TM4SF4: variants seen among roughly 807,000 people sequenced by gnomAD.
The protein encoded by TM4SF4 is transmembrane 4 L6 family member 4.
In TM4SF4, 24 loss-of-function variants were observed where a neutral mutation model predicts 24.1. The ratio of observed to expected loss-of-function variants is 1.00; its 90% CI spans 0.72 to 1.40. The LOEUF is 1.40. Among genes scored for constraint, TM4SF4 ranks in the 40% most tolerant of loss-of-function variants. TM4SF4 has a pLI of 0.00. For synonymous variants in TM4SF4, 113 were observed against 97.0 expected (o/e 1.17, Z -0.97); for missense variants, 254 against 254.2 (o/e 1.00, Z 0.01).
chr3:149,491,302 A>C (rs1734205709), intron 3 of TM4SF4, among the ~76,000 whole-genome samples: 1 of 150,980 alleles, frequency 6.6e-6, no homozygotes, highest in African/African-American at 2.4e-5. Context: ...CTACAAAAAA[A>C]AAAAATTAAA....
chr3:149,491,738 GAGA>G (rs1734213636), intron 3 of TM4SF4, among the ~76,000 whole-genome samples: 1 of 152,182 alleles, frequency 6.6e-6, no homozygotes, highest in Non-Finnish European at 1.5e-5. Context: ...GTGTGAGATG[GAGA>G]AGGAGTGCGG....
chr3:149,486,787 A>G (rs1210412591), intron 2 of TM4SF4, among the ~76,000 whole-genome samples: 2 of 152,190 alleles, frequency 1.3e-5, no homozygotes, highest in African/African-American at 4.8e-5. Flanking sequence ...TATTTTAAAG[A>G]CTGATGCCAA....
chr3:149,495,729 C>T, intron 3 of TM4SF4: 1 of 235,824 alleles, frequency 4.2e-6, no homozygotes, highest in Non-Finnish European at 8.8e-6. Context: ...CACATTGCTT[C>T]CAAGTTTGCT....
In TM4SF4 at chr3:149,491,295, C is replaced by CAAAAA. The variant is rs34935957; in HGVS notation, c.401+3548_401+3552dup. 4.9e-4 allele frequency among the ~76,000 whole-genome samples: 61 copies of CAAAAA among 125,718 alleles called. 1 individual carries two copies. The highest frequency in any genetic ancestry group is 9.3e-4 in the Non-Finnish European group (55 of 58,860). 82.5% of individuals were successfully genotyped at this position (125,718 alleles called of 152,430 possible). On this transcript the variant is annotated intron_variant, in intron 3 of 4. Coordinates refer to ENST00000305354, the MANE Select transcript of TM4SF4 (RefSeq NM_004617.4). ...AACTCCCTGCTCCAGCGCCCCTCTA[C>CAAAAA]AAAAAAAAAAAATTAAAAAATTAGC... is the stretch of plus-strand genomic sequence containing the variant.
At chr3:149,495,757 C>T (rs1402631883) in intron 3 of TM4SF4, 18 of 229,994 alleles carry the variant, frequency 7.8e-5, no homozygotes, top group South Asian at 7.0e-4. Context: ...AGGAAAAGAT[C>T]GATCATCGTT....
At chr3:149,495,501 CT>C (rs1374480381) in intron 3 of TM4SF4, 3 of 421,530 alleles carry the variant, frequency 7.1e-6, no homozygotes, top group Non-Finnish European at 1.4e-5. Context: ...CAACTAAAGT[CT>C]GTTGAAATGC....
intron 3 of TM4SF4, among the ~76,000 whole-genome samples, chr3:149,496,371 G>A (rs1734311314): frequency 6.6e-6 from 1 of 151,958 alleles, no homozygotes; most frequent in Non-Finnish European, 1.5e-5. Context: ...CCCCACACCT[G>A]GCTAGGTTAT....
intron 3 of TM4SF4, among the ~76,000 whole-genome samples, chr3:149,489,430 T>A (rs1734172934): frequency 6.6e-6 from 1 of 152,224 alleles, no homozygotes; most frequent in Admixed American, 6.5e-5. Flanking sequence ...TTGAAATAAA[T>A]CTATGTCCAA....
At chr3:149,482,997 G>A (rs900717889) in intron 2 of TM4SF4, among the ~76,000 whole-genome samples, 5 of 152,048 alleles carry the variant, frequency 3.3e-5, no homozygotes, top group South Asian at 2.1e-4. Flanking sequence ...GCAACATGAC[G>A]CAGCATGTAT....
chr3:149,477,262 A>G (rs1034450946), intron 2 of TM4SF4, among the ~76,000 whole-genome samples: 2 of 152,214 alleles, frequency 1.3e-5, no homozygotes, highest in African/African-American at 4.8e-5. Flanking sequence ...ATATAAATGA[A>G]CACAATGAGA....
chr3:149,486,826 T>A (rs935869732), intron 2 of TM4SF4, among the ~76,000 whole-genome samples: 1 of 152,194 alleles, frequency 6.6e-6, no homozygotes, highest in Non-Finnish European at 1.5e-5. Context: ...TTGATCTTTT[T>A]GGCCTCGAGG....
At chr3:149,481,850 T>C (rs1734038591) in intron 2 of TM4SF4, among the ~76,000 whole-genome samples, 1 of 152,252 alleles carries the variant, frequency 6.6e-6, no homozygotes, top group Non-Finnish European at 1.5e-5. Flanking sequence ...GAGCAGAATA[T>C]GTGCACTGAG....
chr3:149,502,722 C>T lies in TM4SF4; in HGVS notation c.*29C>T. 1 of 1,550,074 alleles carries T rather than the reference C, an allele frequency of 6.5e-7. No homozygotes were observed. ...TCCGAGATGAGCTGCTCAGACTCTA[C>T]AGCATGACGACTACAATTTCTTTTC... On this transcript the variant is annotated 3_prime_UTR_variant, in exon 5 of 5. Coordinates refer to ENST00000305354, the MANE Select transcript of TM4SF4 (RefSeq NM_004617.4).
intron 3 of TM4SF4, among the ~76,000 whole-genome samples, chr3:149,497,569 C>A (rs1428347072): frequency 6.6e-6 from 1 of 152,186 alleles, no homozygotes; most frequent in Non-Finnish European, 1.5e-5. Flanking sequence ...TCATAATATT[C>A]CACAAGATTT....
intron 3 of TM4SF4, among the ~76,000 whole-genome samples, chr3:149,494,167 A>C (rs1734268355): frequency 1.3e-5 from 2 of 152,164 alleles, no homozygotes; most frequent in Admixed American, 1.3e-4. Context: ...ACTGAACGTG[A>C]ACACAGGCTT....
chr3:149,482,276 T>C (rs1734046222), intron 2 of TM4SF4, among the ~76,000 whole-genome samples: 1 of 152,248 alleles, frequency 6.6e-6, no homozygotes, highest in Admixed American at 6.5e-5. Flanking sequence ...CATCTGCCTG[T>C]AATCCATACC....
At position 149,502,833 on chromosome 3, in the gene TM4SF4, C is replaced by T; in HGVS notation, c.*140C>T. ...TAGAAAAGGCAGTTATTCCTTCTTT[C>T]CAACCAGCTTTGCTCGAGTTAGAAT... On this transcript the variant is annotated 3_prime_UTR_variant, in exon 5 of 5. Transcript: ENST00000305354. 1 of 602,024 alleles carries T rather than the reference C, an allele frequency of 1.7e-6. No individual in the cohort carries two copies. Among genetic ancestry groups the T allele is most frequent in the Non-Finnish European group, 2.9e-6 (1 of 339,524 alleles). The allele number at this position is 602,024 out of a possible 1,614,324, so 37.3% of individuals were successfully genotyped here.
intron 3 of TM4SF4, among the ~76,000 whole-genome samples, chr3:149,490,019 G>A (rs62272022): frequency 0.012 from 1,790 of 151,940 alleles, 39 homozygotes; most frequent in South Asian, 0.037. Flanking sequence ...TTACAAAACC[G>A]TATATATCAC....
intron 3 of TM4SF4, among the ~76,000 whole-genome samples, chr3:149,488,315 C>T (rs79882411): frequency 0.032 from 4,825 of 152,202 alleles, 87 homozygotes; most frequent in Middle Eastern, 0.065. Flanking sequence ...TTGTAAAGAC[C>T]TTTATCCCAC....
Sources: allele counts gnomAD v4.1 joint callset (sites outside exome capture counted in the v4.1 genomes callset), GRCh38; gene constraint gnomAD v4.1.1; transcripts MANE v1.5; gene names NCBI Gene and HGNC (gene_info 2026-07-23, HGNC 2026-07-21).